The following LOXHD1 variants were observed in gnomAD, a reference collection of about 807,000 sequenced individuals.
LOXHD1 encodes the protein lipoxygenase homology PLAT domains 1, also known as lipoxygenase homology domain-containing protein 1.
A neutral mutation model predicts 248.2 loss-of-function variants in LOXHD1; 205 were observed. The observed-to-expected ratio is 0.83, with a 90% CI of 0.74 to 0.93. LOXHD1 has a LOEUF of 0.93. Ranked by LOEUF, LOXHD1 falls within the 40% of genes least tolerant of loss-of-function variation. LOXHD1 has a pLI of 0.00. For synonymous variants in LOXHD1, 1,113 were observed against 1,162.8 expected, an observed-to-expected ratio of 0.96 and a Z score of 0.87; for missense variants, 2,930 against 2,971.6, an observed-to-expected ratio of 0.99 and a Z score of 0.33.
In LOXHD1 at chr18:46,542,754, T is replaced by C. The variant is rs1184887396; in HGVS notation, c.3721A>G (p.Lys1241Glu). 2 of 1,551,686 alleles carry C rather than the reference T, an allele frequency of 1.3e-6. No homozygotes were observed. The highest frequency in any genetic ancestry group is 1.7e-6 in the Non-Finnish European group (2 of 1,146,996). Residue 1241 changes from lysine to glutamate, a missense_variant, in exon 24 of 41, where the codon AAA (lysine) becomes GAA (glutamate). Physicochemically the swap from Lys to Glu is moderately conservative, Grantham distance 56 (BLOSUM62 1). Coordinates refer to ENST00000642948, the MANE Select transcript of LOXHD1 (RefSeq NM_001384474.1). ...VETLDLGDLW[K>E]VRLGHDNTGK... ...GTGTTGTCATGGCCAAGCCGGACTT[T>C]CCACAGGTCTCCCAGATCCAGCGTC...
chr18:46,603,775 T>TA (rs1019524190), intron 7 of LOXHD1, among the ~76,000 whole-genome samples: 1 of 152,214 alleles, frequency 6.6e-6, no homozygotes, highest in Non-Finnish European at 1.5e-5. Flanking sequence ...TGGCATATAC[T>TA]AAGCACTCAA....
rs920654744 is a variant in LOXHD1, at chr18:46,566,305, G to A, written c.2389C>T (p.Arg797Cys). ...RWLDKNQADG[R>C]LEVELYPSEV... ...CTGGGATACAGCTCCACCTCCAGGCGCCCGTCAGCCTGGTTCTTGTCCAGC... is the reference window on the plus strand; with the variant it reads ...CTGGGATACAGCTCCACCTCCAGGCACCCGTCAGCCTGGTTCTTGTCCAGC... The change falls in exon 17 of 41, where the codon CGC becomes TGC. Residue 797 changes from arginine (R) to cysteine (C), a missense_variant. Arg to Cys is a radical substitution (Grantham distance 180). Coordinates refer to ENST00000642948, the MANE Select transcript of LOXHD1 (RefSeq NM_001384474.1). 1.7e-5 allele frequency: 26 copies of A among 1,551,634 alleles called. No individual in the cohort carries two copies. The highest frequency in any genetic ancestry group is 1.7e-4 in the Middle Eastern group (1 of 6,012).
chr18:46,529,475 T>C (rs2035968348), intron 28 of LOXHD1, 144 bp from the exon 29 acceptor site: 1 of 903,274 alleles, frequency 1.1e-6, no homozygotes, highest in East Asian at 2.7e-5. Context: ...GTTTGCTCAA[T>C]TATGCATACT....
Sources: gnomAD v4.1 joint callset for allele counts (sites outside exome capture counted in the v4.1 genomes callset) on GRCh38, gnomAD v4.1.1 for gene constraint, MANE v1.5 for transcripts, NCBI Gene and HGNC (gene_info 2026-07-23, HGNC 2026-07-21) for gene names.